GPR158: variants seen among roughly 807,000 people sequenced by gnomAD.
The protein encoded by GPR158 is metabotropic glycine receptor.
A neutral mutation model predicts 78.2 loss-of-function variants in GPR158; 30 were observed. That is an observed-to-expected ratio of 0.38 (90% CI 0.29 to 0.52). The LOEUF is 0.52. Among genes scored for constraint, GPR158 ranks in the 20% least tolerant of loss-of-function variants. GPR158 has a pLI of 0.83. For synonymous variants in GPR158, 581 were observed against 591.1 expected, an observed-to-expected ratio of 0.98 and a Z score of 0.25; for missense variants, 1,463 against 1,523.5, an observed-to-expected ratio of 0.96 and a Z score of 0.66.
intron 6 of GPR158, among the ~76,000 whole-genome samples, chr10:25,552,503 A>G (rs965128645): frequency 2.0e-5 from 3 of 150,780 alleles, no homozygotes; most frequent in African/African-American, 7.3e-5. Flanking sequence ...TTTAGTGTCT[A>G]GTGGGTCCTC....
At chr10:25,335,994 C>A (rs1368390550) in intron 2 of GPR158, among the ~76,000 whole-genome samples, 1 of 151,962 alleles carries the variant, frequency 6.6e-6, no homozygotes, top group Admixed American at 6.6e-5. Context: ...TTATATTGTA[C>A]ATGCTGAAAA....
In GPR158 at chr10:25,559,655, AATGAT is replaced by A. The variant is rs539040871; in HGVS notation, c.1514+8573_1514+8577del. On this transcript the variant is annotated intron_variant, in intron 6 of 10. Transcript: ENST00000376351. ...CATATTATGAGAAAAGCATTACATA[AATGAT>A]ATATTATAATCCTAATGTTATAAAA... 3.4e-4 allele frequency among the ~76,000 whole-genome samples: 52 copies of A among 152,344 alleles called. 2 individuals are homozygous for A. Among genetic ancestry groups the A allele is most frequent in the African/African-American group, 1.2e-3 (50 of 41,582 alleles).
At chr10:25,372,207 A>G (rs1834005317) in intron 2 of GPR158, among the ~76,000 whole-genome samples, 1 of 151,942 alleles carries the variant, frequency 6.6e-6, no homozygotes, top group Admixed American at 6.6e-5. Context: ...GTCAGGAAAC[A>G]ACAGGTGCTG....
At chr10:25,340,756 G>T (rs66726041) in intron 2 of GPR158, among the ~76,000 whole-genome samples, 6,346 of 152,090 alleles carry the variant, frequency 0.042, 138 homozygotes, top group African/African-American at 0.049. Flanking sequence ...TACAATCTAT[G>T]TGTTACCGAG....
chr10:25,377,090 TA>T (rs1834090679), intron 2 of GPR158, among the ~76,000 whole-genome samples: 1 of 151,814 alleles, frequency 6.6e-6, no homozygotes, highest in African/African-American at 2.4e-5. Context: ...TGAGCATTTT[TA>T]GCCACTATCT....
intron 6 of GPR158, among the ~76,000 whole-genome samples, chr10:25,559,161 C>T (rs568993041): frequency 6.6e-6 from 1 of 152,300 alleles, no homozygotes; most frequent in African/African-American, 2.4e-5. Context: ...GTTGTTATGT[C>T]CTTTTCATGA....
intron 1 of GPR158, among the ~76,000 whole-genome samples, chr10:25,216,281 C>G (rs1259974667): frequency 1.3e-5 from 2 of 152,178 alleles, no homozygotes; most frequent in Non-Finnish European, 2.9e-5. Flanking sequence ...CCTTGATATC[C>G]CATCAATGTT....
At chr10:25,238,811 G>T (rs1853565244) in intron 2 of GPR158, among the ~76,000 whole-genome samples, 1 of 152,098 alleles carries the variant, frequency 6.6e-6, no homozygotes, top group Non-Finnish European at 1.5e-5. Context: ...TCACATTTAG[G>T]TTTCTTGTTC....
chr10:25,416,372 A>G (rs1341962), intron 4 of GPR158, among the ~76,000 whole-genome samples: 105,535 of 152,056 alleles, frequency 0.69, 37,721 homozygotes, highest in Non-Finnish European at 0.8. Flanking sequence ...TTTACTGTGC[A>G]TTTATTTATA....
intron 1 of GPR158, among the ~76,000 whole-genome samples, chr10:25,187,819 A>G (rs901329918): frequency 3.3e-5 from 5 of 152,326 alleles, no homozygotes; most frequent in Admixed American, 2.6e-4. Context: ...AGGGTATTCA[A>G]TTAGGAAAAG....
In GPR158 at chr10:25,598,691, A is replaced by T. The variant is rs1241818026; in HGVS notation, c.3065A>T (p.Glu1022Val). 2 of 1,613,954 alleles carry T rather than the reference A, an allele frequency of 1.2e-6. No individual in the cohort carries two copies. The highest frequency in any genetic ancestry group is 2.2e-5 in the East Asian group (1 of 44,830). Residue 1022 changes from glutamate (E) to valine (V), a missense_variant, in exon 11 of 11, where the codon GAA (glutamate) becomes GTA (valine). Coordinates refer to ENST00000376351, the MANE Select transcript of GPR158 (RefSeq NM_020752.3). Reference protein sequence around the residue: ...YDLTPGPVPSESKVQKHVSIV... With the variant: ...YDLTPGPVPSVSKVQKHVSIV... Reference sequence around the variant, plus strand: ...CTGACCCCTGGTCCTGTGCCTTCAGAATCAAAAGTTCAAAAGCACGTATCT... The same window carrying T: ...CTGACCCCTGGTCCTGTGCCTTCAGTATCAAAAGTTCAAAAGCACGTATCT...
intron 2 of GPR158, among the ~76,000 whole-genome samples, chr10:25,288,461 G>A (rs77038040): frequency 0.012 from 1,824 of 152,222 alleles, 26 homozygotes; most frequent in South Asian, 0.057. Flanking sequence ...TGCTATTTTT[G>A]TTTAATCACA....
intron 4 of GPR158, among the ~76,000 whole-genome samples, chr10:25,429,433 A>AGT (rs1834867462): frequency 6.6e-6 from 1 of 152,134 alleles, no homozygotes; most frequent in Non-Finnish European, 1.5e-5. Context: ...AATGAAGCTT[A>AGT]GTCCCACAGC....
In GPR158 at chr10:25,517,061, T is replaced by C. The variant is rs938297642; in HGVS notation, c.1405-33915T>C. On this transcript the variant is annotated intron_variant, in intron 5 of 10. Coordinates refer to ENST00000376351, the MANE Select transcript of GPR158 (RefSeq NM_020752.3). Reference sequence around the variant, plus strand: ...TTTTGTTTCATTGAGCAGTGGCTTGTAGTTCTCCTTGAAGAGGTCCTTCAC... The same window carrying C: ...TTTTGTTTCATTGAGCAGTGGCTTGCAGTTCTCCTTGAAGAGGTCCTTCAC... Among the ~76,000 whole-genome samples the C allele has an allele frequency of 2.3e-4, 35 of 150,086 alleles. 1 individual carries two copies. The highest frequency in any genetic ancestry group is 8.6e-4 in the African/African-American group (34 of 39,448).
At chr10:25,249,672 A>C (rs1853761805) in intron 2 of GPR158, among the ~76,000 whole-genome samples, 1 of 151,502 alleles carries the variant, frequency 6.6e-6, no homozygotes, top group African/African-American at 2.4e-5. Context: ...CCACTTGATC[A>C]TGGTGGATAA....
chr10:25,529,190 C>T (rs557773277), intron 5 of GPR158, among the ~76,000 whole-genome samples: 5 of 151,928 alleles, frequency 3.3e-5, no homozygotes, highest in Non-Finnish European at 5.9e-5. Flanking sequence ...AGATCCAGAC[C>T]GTCCTGCTAA....
rs187618281 is a variant in GPR158 at position 25,327,010 on chromosome 10, T to C, written c.1009-68901T>C. Among the ~76,000 whole-genome samples the C allele has an allele frequency of 1.2e-4, 19 of 152,294 alleles. No individual in the cohort carries two copies. In the East Asian group the frequency reaches 3.3e-3, roughly 26 times the overall value. On this transcript the variant is annotated intron_variant, in intron 2 of 10. Transcript: ENST00000376351. ...ATGCCGTGTAAGCCAAAAATACACATTTGACTTACTGTATTTCTAATTTAC... is the reference window on the plus strand; with the variant it reads ...ATGCCGTGTAAGCCAAAAATACACACTTGACTTACTGTATTTCTAATTTAC...
At chr10:25,355,642 T>G (rs949439136) in intron 2 of GPR158, among the ~76,000 whole-genome samples, 4 of 152,094 alleles carry the variant, frequency 2.6e-5, no homozygotes, top group Admixed American at 2.6e-4. Flanking sequence ...CATATTTTGG[T>G]TTTTATTGGA....
rs189329965 is a variant in GPR158, at chr10:25,594,184, C to T, written c.1893-108C>T. ...TGCCATAGAAATAGTAATACAATTT[C>T]CTTTTTCTTATTTTAATACAATGAG... On this transcript the variant is annotated intron_variant, in intron 8 of 10. Coordinates refer to ENST00000376351, the MANE Select transcript of GPR158 (RefSeq NM_020752.3). 247 of 663,390 alleles carry T rather than the reference C, an allele frequency of 3.7e-4. 1 individual carries two copies. The highest frequency in any genetic ancestry group is 3.6e-3 in the African/African-American group (194 of 53,798). 41.1% of individuals were successfully genotyped at this position (663,390 alleles called of 1,614,324 possible).
Sources: gnomAD v4.1 joint callset for allele counts (sites outside exome capture counted in the v4.1 genomes callset) on GRCh38, gnomAD v4.1.1 for gene constraint, MANE v1.5 for transcripts, NCBI Gene and HGNC (gene_info 2026-07-23, HGNC 2026-07-21) for gene names.